AQR: variants seen among roughly 807,000 people sequenced by gnomAD.
The protein encoded by AQR is aquarius intron-binding spliceosomal factor.
In AQR, 61 loss-of-function variants were observed where a neutral mutation model predicts 180.5. That is an observed-to-expected ratio of 0.34 (90% CI 0.28 to 0.42). The LOEUF is 0.42. Among genes scored for constraint, AQR ranks in the 10% least tolerant of loss-of-function variants. AQR has a pLI of 1.00. For synonymous variants in AQR, 551 were observed against 588.8 expected, an observed-to-expected ratio of 0.94 and a Z score of 0.93; for missense variants, 1,281 against 1,798.3, an observed-to-expected ratio of 0.71 and a Z score of 5.20.
intron 15 of AQR, among the ~76,000 whole-genome samples, chr15:34,915,654 T>A (rs1406918719): frequency 6.6e-6 from 1 of 151,882 alleles, no homozygotes; most frequent in African/African-American, 2.4e-5. Flanking sequence ...CTATTAAGAA[T>A]TAGGGGTGAG....
At chr15:34,952,954 T>C in intron 3 of AQR, 34 bp from the exon 4 acceptor site, 2 of 1,242,816 alleles carry the variant, frequency 1.6e-6, no homozygotes, top group Non-Finnish European at 2.3e-6. Context: ...ATGTTTAAAA[T>C]AGAGAATACA....
chr15:34,897,694 G>A lies in AQR; in HGVS notation c.2255C>T (p.Pro752Leu), dbSNP rs752313071. ...TTTCTTCCCTTTTCCACTTCTTACTGGAAAAGTTATCCTACAAGACCAAAA... is the reference window on the plus strand; with the variant it reads ...TTTCTTCCCTTTTCCACTTCTTACTAGAAAAGTTATCCTACAAGACCAAAA... The part of the protein sequence containing the change: ...LQIPPFRITF[P>L]VRSGKGKKRK... The change falls in exon 21 of 35, where the codon CCA becomes CTA. Residue 752 changes from proline to leucine, a missense_variant. Around this residue, in one of 9 missense-constraint regions of AQR, gnomAD observed 112 missense variants for 128.6 expected, o/e 0.87. Transcript: ENST00000156471. 2.5e-6 allele frequency: 4 copies of A among 1,613,722 alleles called. No individual in the cohort carries two copies. Among genetic ancestry groups the A allele is most frequent in the Non-Finnish European group, 3.4e-6 (4 of 1,179,874 alleles).
chr15:34,955,355 T>C (rs1019902656), intron 3 of AQR, among the ~76,000 whole-genome samples: 1 of 152,084 alleles, frequency 6.6e-6, no homozygotes, highest in African/African-American at 2.4e-5. Context: ...TTAAATATGA[T>C]AAGAAAAAGA....
At position 34,867,250 on chromosome 15, in the gene AQR, C is replaced by T. The variant is rs985733800; in HGVS notation, c.3854+274G>A. ...TCTGATATTAAGTTTCTAACAGATA[C>T]AGGAGAGATTAAGATTTTATGATAA... On this transcript the variant is annotated intron_variant, in intron 32 of 34. Transcript: ENST00000156471. 2.6e-5 allele frequency among the ~76,000 whole-genome samples: 4 copies of T among 151,978 alleles called. 1 individual carries two copies. In the South Asian group the frequency reaches 6.2e-4, roughly 24 times the overall value.
intron 30 of AQR, 89 bp from the exon 31 acceptor site, chr15:34,871,011 G>T: frequency 1.5e-6 from 2 of 1,335,776 alleles, no homozygotes; most frequent in Non-Finnish European, 2.1e-6. Context: ...AGCAAAACTT[G>T]TTCACTTTGC....
At chr15:34,966,077 T>C (rs77680213) in intron 1 of AQR, among the ~76,000 whole-genome samples, 4,760 of 152,224 alleles carry the variant, frequency 0.031, 98 homozygotes, top group Middle Eastern at 0.082. Flanking sequence ...CTCTCTAGTC[T>C]CATGTAAAAT....
At chr15:34,925,043 C>A (rs1259096737) in intron 13 of AQR, among the ~76,000 whole-genome samples, 2 of 151,642 alleles carry the variant, frequency 1.3e-5, no homozygotes, top group African/African-American at 2.4e-5. Context: ...TGACAGTTGT[C>A]ATTAAAAAAT....
At chr15:34,877,153 C>T (rs919352823) in intron 27 of AQR, among the ~76,000 whole-genome samples, 6 of 152,136 alleles carry the variant, frequency 3.9e-5, no homozygotes, top group South Asian at 2.1e-4. Context: ...ATTCCTTCTT[C>T]GATAATTACT....
intron 16 of AQR, among the ~76,000 whole-genome samples, 180 bp from the exon 17 acceptor site, chr15:34,910,493 A>G (rs1394637811): frequency 1.3e-5 from 2 of 152,222 alleles, no homozygotes; most frequent in South Asian, 2.1e-4. Context: ...TGCAAAGTAT[A>G]TAAGATAGCA....
At position 34,874,738 on chromosome 15, in the gene AQR, G is replaced by A. The variant is rs760461836; in HGVS notation, c.3364C>T (p.Arg1122Cys). Reference protein sequence around the residue: ...YSNMEQSLFTRFVRVGVPTVD... With the variant: ...YSNMEQSLFTCFVRVGVPTVD... ...GTCGGAACTCCAACGCGAACAAAGCGAGTGAAGAGAGACTGCTCCATGTTT... is the reference window on the plus strand; with the variant it reads ...GTCGGAACTCCAACGCGAACAAAGCAAGTGAAGAGAGACTGCTCCATGTTT... The change falls in exon 29 of 35, where the codon CGC (arginine) becomes TGC (cysteine). Residue 1122 changes from arginine to cysteine, a missense_variant. Arg to Cys is a radical substitution (Grantham distance 180). Transcript: ENST00000156471. 1.9e-6 allele frequency: 3 copies of A among 1,613,728 alleles called. No individual in the cohort carries two copies. The highest frequency in any genetic ancestry group is 1.7e-6 in the Non-Finnish European group (2 of 1,179,848).
rs1400609607 is a variant in AQR, at chr15:34,938,664, T to C, written c.718+73A>G. 8.4e-6 allele frequency: 8 copies of C among 952,428 alleles called. No individual in the cohort carries two copies. In the African/African-American group the frequency reaches 1.3e-4, roughly 15 times the overall value. The allele number at this position is 952,428 out of a possible 1,614,324, so 59.0% of individuals were successfully genotyped here. Reference sequence around the variant, plus strand: ...AATCATTCCAAGAACAGTTTTTAGATTAGAGATGAGTAAATACCATAGGGG... The same window carrying C: ...AATCATTCCAAGAACAGTTTTTAGACTAGAGATGAGTAAATACCATAGGGG... On this transcript the variant is annotated intron_variant, in intron 9 of 34. Transcript: ENST00000156471.
In AQR at chr15:34,967,095, C is replaced by T. The variant is rs890693688; in HGVS notation, c.75+2444G>A. Among the ~76,000 whole-genome samples, 4 of 151,840 alleles carry T rather than the reference C, an allele frequency of 2.6e-5. No individual in the cohort carries two copies. The East Asian group carries it at 5.8e-4, about 22-fold the overall frequency. On this transcript the variant is annotated intron_variant, in intron 1 of 34. Coordinates refer to ENST00000156471, the MANE Select transcript of AQR (RefSeq NM_014691.3). ...TTCTCCATATTGGCCAGGCTGGTCT[C>T]GAACTCCCGACCTCAGGTGATCCGT...
chr15:34,910,339 C>A (rs746353309), intron 16 of AQR, 26 bp from the exon 17 acceptor site: 2 of 1,602,566 alleles, frequency 1.2e-6, no homozygotes, highest in Admixed American at 1.7e-5. Flanking sequence ...TGGATGATTA[C>A]TCAAACAAAA....
chr15:34,968,627 CAACATGAAG>C (rs1425173594), intron 1 of AQR, among the ~76,000 whole-genome samples: 1 of 152,106 alleles, frequency 6.6e-6, no homozygotes, highest in Non-Finnish European at 1.5e-5. Flanking sequence ...ACTCGGAAAG[CAACATGAAG>C]AATGGGCTAG....
At position 34,888,149 on chromosome 15, in the gene AQR, T is replaced by C. The variant is rs531062928; in HGVS notation, c.2682-1488A>G. On this transcript the variant is annotated intron_variant, in intron 24 of 34. Transcript: ENST00000156471. ...CCCGTCTCTACTAAAAATACAAACATTAGCCAGGTGTGGTGGTGGGCGCCT... is the reference window on the plus strand; with the variant it reads ...CCCGTCTCTACTAAAAATACAAACACTAGCCAGGTGTGGTGGTGGGCGCCT... 2.1e-3 allele frequency among the ~76,000 whole-genome samples: 315 copies of C among 149,994 alleles called. 2 individuals carry two copies. Among genetic ancestry groups the C allele is most frequent in the African/African-American group, 7.5e-3 (307 of 40,798 alleles).
At chr15:34,906,522 T>C (rs1329276019) in intron 18 of AQR, 23 bp downstream of exon 18, 1 of 1,612,366 alleles carries the variant, frequency 6.2e-7, no homozygotes, top group Admixed American at 1.7e-5. Flanking sequence ...CACATACTCT[T>C]TCAAAAATAT....
chr15:34,879,134 A>C (rs1419589644), intron 27 of AQR, among the ~76,000 whole-genome samples: 1 of 152,148 alleles, frequency 6.6e-6, no homozygotes, highest in Admixed American at 6.6e-5. Flanking sequence ...ATCTCTGGAA[A>C]CCCCCTAAAA....
At chr15:34,883,818 G>C (rs550547985) in intron 26 of AQR, among the ~76,000 whole-genome samples, 1 of 152,226 alleles carries the variant, frequency 6.6e-6, no homozygotes, top group South Asian at 2.1e-4. Context: ...CATATCCAGG[G>C]GGCACTGGGT....
At chr15:34,946,751 A>G (rs1176968542) in intron 5 of AQR, among the ~76,000 whole-genome samples, 2 of 104,502 alleles carry the variant, frequency 1.9e-5, no homozygotes, top group African/African-American at 7.6e-5. Context: ...TCCGGGAGGG[A>G]GGGAGGTGGG....
Sources: allele counts gnomAD v4.1 joint callset (sites outside exome capture counted in the v4.1 genomes callset), GRCh38; gene constraint gnomAD v4.1.1; regional missense constraint gnomAD v4.1.1; transcripts MANE v1.5; gene names NCBI Gene and HGNC (gene_info 2026-07-23, HGNC 2026-07-21).